The following MORC2 variants were observed in gnomAD, a reference collection of about 807,000 sequenced individuals.
MORC2 encodes the protein ATPase MORC2.
MORC2 carries 30 observed loss-of-function variants against 136.0 expected under a neutral mutation model. The observed-to-expected ratio is 0.22, with a 90% CI of 0.17 to 0.30. MORC2 has a LOEUF of 0.30. Among genes scored for constraint, MORC2 ranks in the 10% least tolerant of loss-of-function variants. MORC2 has a pLI of 1.00. For synonymous variants in MORC2, 439 were observed against 487.0 expected, an observed-to-expected ratio of 0.90 and a Z score of 1.30; for missense variants, 922 against 1,333.1, an observed-to-expected ratio of 0.69 and a Z score of 4.80.
In MORC2 at chr22:30,934,737, C is replaced by T; in HGVS notation, c.2193+44G>A. ...GACACTGCACAATTCCATTCCTACA[C>T]TACTGACACTGGGCTGGGGTATTAA... is the stretch of plus-strand genomic sequence containing the variant. On this transcript the variant is annotated intron_variant, in intron 19 of 25. Coordinates refer to ENST00000397641, the MANE Select transcript of MORC2 (RefSeq NM_001303256.3). This position sits in a 1 kb window ranked among gnomAD's most constrained non-coding sequence, Gnocchi z 4.4. 2 of 1,599,892 alleles carry T rather than the reference C, an allele frequency of 1.3e-6. No individual in the cohort carries two copies. The highest frequency in any genetic ancestry group is 1.7e-6 in the Non-Finnish European group (2 of 1,171,168).
At chr22:30,967,485 A>G in intron 1 of MORC2, 1 of 1,080,830 alleles carries the variant, frequency 9.3e-7, no homozygotes, top group Non-Finnish European at 1.1e-6. Flanking sequence ...GGTTGATACT[A>G]AAATAGTCCA....
At chr22:30,960,921 A>G (rs1396576508) in intron 1 of MORC2, among the ~76,000 whole-genome samples, 2 of 138,392 alleles carry the variant, frequency 1.4e-5, no homozygotes, top group Non-Finnish European at 3.2e-5. Flanking sequence ...CTGGAGTGCA[A>G]GCGGCGCAAT....
intron 3 of MORC2, among the ~76,000 whole-genome samples, chr22:30,956,150 GACTGTTGCACTC>G (rs2147301788): frequency 6.6e-6 from 1 of 152,180 alleles, no homozygotes; most frequent in East Asian, 1.9e-4. Context: ...AAAGGCCAAT[GACTGTTGCACTC>G]ACTCTAGGAA....
intron 5 of MORC2, among the ~76,000 whole-genome samples, chr22:30,946,873 T>C (rs1161421533): frequency 6.6e-6 from 1 of 152,080 alleles, no homozygotes; most frequent in Admixed American, 6.6e-5. Context: ...CAGACTTTAG[T>C]AGCTGGTACC....
In MORC2 at chr22:30,941,115, G is replaced by A. The variant is rs571495766; in HGVS notation, c.825-278C>T. Among the ~76,000 whole-genome samples, 1 of 152,260 alleles carries A rather than the reference G, an allele frequency of 6.6e-6. No homozygotes were observed. The highest frequency in any genetic ancestry group is 1.9e-4 in the East Asian group (1 of 5,176). ...ACCTCAGGAGTAAGCCAAGCCCACTGCTTTCCTATATAGTGTCTAAAGGCC... is the reference window on the plus strand; with the variant it reads ...ACCTCAGGAGTAAGCCAAGCCCACTACTTTCCTATATAGTGTCTAAAGGCC... On this transcript the variant is annotated intron_variant, in intron 9 of 25. Coordinates refer to ENST00000397641, the MANE Select transcript of MORC2 (RefSeq NM_001303256.3). The surrounding 1 kb of genome is among the most constrained non-coding windows in gnomAD (Gnocchi z 4.6).
Position 30,950,358 on chromosome 22 carries a change from C to CAAAAAAAAAAAAA in MORC2, c.226+18_226+19insTTTTTTTTTTTTT. On this transcript the variant is annotated intron_variant, in intron 4 of 25. Coordinates refer to ENST00000397641, the MANE Select transcript of MORC2 (RefSeq NM_001303256.3). ...CATCGCACCCCCCCACCCCCCAAAA[C>CAAAAAAAAAAAAA]AATAATCTCATCACTTACTTGGATC... The CAAAAAAAAAAAAA allele has an allele frequency of 9.0e-7, 1 of 1,112,004 alleles. No individual in the cohort carries two copies. The highest frequency in any genetic ancestry group is 1.3e-6 in the Non-Finnish European group (1 of 782,044). The allele number at this position is 1,112,004 out of a possible 1,614,324, so 68.9% of individuals were successfully genotyped here.
At chr22:30,950,337 G>GCGGGC in intron 4 of MORC2, 40 bp downstream of exon 4, 7 of 761,758 alleles carry the variant, frequency 9.2e-6, no homozygotes, top group African/African-American at 3.6e-5. Context: ...TGGTTACATC[G>GCGGGC]CACCCCCCCA....
In MORC2 at chr22:30,926,516, C is replaced by T. The variant is rs2040484383; in HGVS notation, c.*287G>A. On this transcript the variant is annotated 3_prime_UTR_variant, in exon 26 of 26. Coordinates refer to ENST00000397641, the MANE Select transcript of MORC2 (RefSeq NM_001303256.3). The stretch of plus-strand genomic sequence containing the variant: ...CTCCGGCTTAGCAACCCAGTATGGC[C>T]AAAGTGGAAAGGTTCTCTGTCCTTT... 5.6e-6 allele frequency: 1 copy of T among 177,944 alleles called. No homozygotes were observed. The highest frequency in any genetic ancestry group is 3.3e-5 in the African/African-American group (1 of 29,932). The allele number at this position is 177,944 out of a possible 1,614,324, so 11.0% of individuals were successfully genotyped here.
At chr22:30,946,043 A>T (rs2040810900) in intron 6 of MORC2, among the ~76,000 whole-genome samples, 1 of 152,196 alleles carries the variant, frequency 6.6e-6, no homozygotes, top group African/African-American at 2.4e-5. Context: ...AATGGAATTC[A>T]AGTGGCAGAT....
chr22:30,928,182 A>G lies in MORC2; in HGVS notation c.2867T>C (p.Val956Ala). 2 of 1,614,034 alleles carry G rather than the reference A, an allele frequency of 1.2e-6. No homozygotes were observed. The highest frequency in any genetic ancestry group is 1.7e-6 in the Non-Finnish European group (2 of 1,180,000). Residue 956 changes from valine (V) to alanine (A), a missense_variant, in exon 25 of 26, where the codon GTA (valine) becomes GCA (alanine). Val to Ala is a moderately conservative substitution (Grantham distance 64). Transcript: ENST00000397641. ...PLKEYFKQYE[V>A]GLQNLCNSYQ... ...GGAATTGCACAGGTTTTGGAGCCCT[A>G]CTTCATATTGCTTGAAGTACTCCTT...
chr22:30,928,960 C>T (rs999656636), intron 24 of MORC2, among the ~76,000 whole-genome samples: 2 of 152,222 alleles, frequency 1.3e-5, no homozygotes, highest in Admixed American at 6.5e-5. Flanking sequence ...TGAACACACA[C>T]GCCACAACCA....
Position 30,934,042 on chromosome 22 carries a change from C to T in MORC2, c.2325+18G>A. 1 of 1,613,864 alleles carries T rather than the reference C, an allele frequency of 6.2e-7. No individual in the cohort carries two copies. Among genetic ancestry groups the T allele is most frequent in the South Asian group, 1.1e-5 (1 of 91,038 alleles). On this transcript the variant is annotated intron_variant, in intron 20 of 25. Transcript: ENST00000397641. The surrounding 1 kb of genome is among the most constrained non-coding windows in gnomAD (Gnocchi z 4.4). Reference sequence around the variant, plus strand: ...CCCTAGAGAGAGAGGCTTTGAGAACCTCACCTCAACCACTCACCTCATTCG... The same window carrying T: ...CCCTAGAGAGAGAGGCTTTGAGAACTTCACCTCAACCACTCACCTCATTCG...
intron 4 of MORC2, 85 bp from the exon 5 acceptor site, chr22:30,949,927 T>A: frequency 2.4e-6 from 3 of 1,250,600 alleles, no homozygotes; most frequent in Non-Finnish European, 3.5e-6. Flanking sequence ...CCTTGTTAAA[T>A]CCAAGCAGGG....
At chr22:30,959,989 C>T (rs2147312231) in intron 1 of MORC2, among the ~76,000 whole-genome samples, 1 of 152,274 alleles carries the variant, frequency 6.6e-6, no homozygotes, top group South Asian at 2.1e-4. Flanking sequence ...GTTTTTGAGA[C>T]AGAGTTTCGC....
chr22:30,927,522 C>T (rs764019679), intron 25 of MORC2, among the ~76,000 whole-genome samples: 81 of 152,232 alleles, frequency 5.3e-4, no homozygotes, highest in Non-Finnish European at 1.1e-3. Context: ...GGCCTCCCCA[C>T]ACTTTACTGT....
In MORC2 at chr22:30,968,110, A is replaced by C; in HGVS notation, c.-221T>G. 1 of 525,688 alleles carries C rather than the reference A, an allele frequency of 1.9e-6. No homozygotes were observed. The highest frequency in any genetic ancestry group is 3.4e-6 in the Non-Finnish European group (1 of 294,350). The allele number at this position is 525,688 out of a possible 1,614,324, so 32.6% of individuals were successfully genotyped here. Reference sequence around the variant, plus strand: ...AATCTTCTCAATGATTTATGATGTAATATTTTGGAAGGAACTATGTCATAA... The same window carrying C: ...AATCTTCTCAATGATTTATGATGTACTATTTTGGAAGGAACTATGTCATAA... On this transcript the variant is annotated 5_prime_UTR_variant, in exon 1 of 26. Coordinates refer to ENST00000397641, the MANE Select transcript of MORC2 (RefSeq NM_001303256.3).
chr22:30,937,940 T>C lies in MORC2; in HGVS notation c.1244A>G (p.Asp415Gly). The change falls in exon 14 of 26, where the codon GAT becomes GGT. Residue 415 changes from aspartate (D) to glycine (G), a missense_variant. Coordinates refer to ENST00000397641, the MANE Select transcript of MORC2 (RefSeq NM_001303256.3). This position sits in a 1 kb window ranked among gnomAD's most constrained non-coding sequence, Gnocchi z 4.7. ...AGGCTCCAGGACCAGGTAGGGCACA[T>C]CAACAACCCCAACAACCCCGCCACA... ...MACGGVVGVV[D>G]VPYLVLEPTH... 1 of 1,613,874 alleles carries C rather than the reference T, an allele frequency of 6.2e-7. No homozygotes were observed. Among genetic ancestry groups the C allele is most frequent in the Non-Finnish European group, 8.5e-7 (1 of 1,179,980 alleles).
Position 30,937,040 on chromosome 22 carries a change from G to A in MORC2, c.1499-3C>T, listed in dbSNP as rs1266866371. The A allele has an allele frequency of 1.2e-6, 2 of 1,609,504 alleles. No homozygotes were observed. The highest frequency in any genetic ancestry group is 2.7e-5 in the African/African-American group (2 of 74,750). On this transcript the variant is annotated splice_polypyrimidine_tract_variant and splice_region_variant and intron_variant, in intron 15 of 25. Transcript: ENST00000397641. This position sits in a 1 kb window ranked among gnomAD's most constrained non-coding sequence, Gnocchi z 4.7. ...GGTTCTCCATTTCAGACACAAATCT[G>A]CAGAGAGCAAAAAAACCCCACATAT... is the stretch of plus-strand genomic sequence containing the variant.
intron 1 of MORC2, chr22:30,967,250 G>A (rs1394355183): frequency 1.0e-6 from 1 of 986,004 alleles, no homozygotes; most frequent in Admixed American, 6.1e-5. Flanking sequence ...AAATTTTGGG[G>A]AAAGACTATC....
Sources: allele counts gnomAD v4.1 joint callset (sites outside exome capture counted in the v4.1 genomes callset), GRCh38; gene constraint gnomAD v4.1.1; non-coding constraint Gnocchi (gnomAD v3.1); transcripts MANE v1.5; gene names NCBI Gene and HGNC (gene_info 2026-07-23, HGNC 2026-07-21).